Variants in CDH2 observed in about 807,000 individuals in gnomAD.
CDH2 encodes cadherin-2.
Under a neutral mutation model 92.0 loss-of-function variants are expected in CDH2, and 17 were observed. The observed-to-expected ratio is 0.18, with a 90% CI of 0.13 to 0.28. The LOEUF is 0.28. CDH2 is among the 10% of genes least tolerant of loss of function. The pLI is 1.00. For missense variants in CDH2, 862 were observed against 1,133.1 expected (o/e 0.76, Z 3.44); for synonymous variants, 419 against 415.9 (o/e 1.01, Z -0.09).
intron 2 of CDH2, chr18:28,146,504 T>C (rs2016036891): frequency 6.6e-6 from 1 of 152,084 alleles, no homozygotes; most frequent in South Asian, 2.1e-4. Flanking sequence ...CCCATTAAAA[T>C]ACCATGTAAT....
At chr18:28,050,825 A>G (rs1227208874) in intron 2 of CDH2, among the ~76,000 whole-genome samples, 4 of 152,200 alleles carry the variant, frequency 2.6e-5, no homozygotes, top group African/African-American at 9.7e-5. Context: ...TACAGCCTAG[A>G]AAATTCCTAA....
chr18:28,041,628 T>C (rs1027185332), intron 2 of CDH2, among the ~76,000 whole-genome samples: 1 of 152,208 alleles, frequency 6.6e-6, no homozygotes, highest in Non-Finnish European at 1.5e-5. Flanking sequence ...ATTAGCCTAG[T>C]GATTCCTTCC....
intron 2 of CDH2, among the ~76,000 whole-genome samples, chr18:28,106,461 C>A (rs1166961407): frequency 8.6e-6 from 1 of 116,292 alleles, no homozygotes. Context: ...TTATGGACAT[C>A]AACTTACCAG....
chr18:27,963,884 C>T (rs1205675197), intron 14 of CDH2, among the ~76,000 whole-genome samples: 2 of 151,898 alleles, frequency 1.3e-5, no homozygotes, highest in Admixed American at 6.5e-5. Context: ...TTTTTTAAAA[C>T]GAGGGTGGTT....
chr18:28,114,625 C>T (rs1484546948), intron 2 of CDH2, among the ~76,000 whole-genome samples: 1 of 152,048 alleles, frequency 6.6e-6, no homozygotes, highest in Non-Finnish European at 1.5e-5. Context: ...TGCCATGGAG[C>T]AGTCAAAGGT....
intron 2 of CDH2, among the ~76,000 whole-genome samples, chr18:28,041,751 C>T (rs2013952294): frequency 6.6e-6 from 1 of 152,084 alleles, no homozygotes; most frequent in Non-Finnish European, 1.5e-5. Context: ...TTATGTTCTA[C>T]CTAAGTGCTG....
intron 1 of CDH2, among the ~76,000 whole-genome samples, chr18:28,164,206 C>A (rs973849720): frequency 6.6e-6 from 1 of 152,032 alleles, no homozygotes; most frequent in Non-Finnish European, 1.5e-5. Flanking sequence ...CATATCAAAC[C>A]TAGATACACA....
downstream of CDH2, among the ~76,000 whole-genome samples, chr18:27,948,198 GT>G (rs1411394381): frequency 6.9e-6 from 1 of 145,672 alleles, no homozygotes; most frequent in East Asian, 2.0e-4. Context: ...TTATATTGAA[GT>G]TTTTAACAAG....
At chr18:27,992,600 T>A in intron 9 of CDH2, 55 bp downstream of exon 9, 1 of 1,430,634 alleles carries the variant, frequency 7.0e-7, no homozygotes. Flanking sequence ...GGGGGACATA[T>A]ATTGGTCCTT....
At chr18:27,938,762 T>C (rs942194390) in intron 6 of CDH2, among the ~76,000 whole-genome samples, 6 of 152,204 alleles carry the variant, frequency 3.9e-5, no homozygotes, top group Non-Finnish European at 8.8e-5. Context: ...CACAGTGTTA[T>C]AGCATCGCTT....
intron 10 of CDH2, 130 bp from the exon 11 acceptor site, chr18:27,988,796 T>C (rs866906841): frequency 1.3e-5 from 9 of 673,142 alleles, no homozygotes; most frequent in Non-Finnish European, 2.0e-5. Flanking sequence ...CATACAGCTT[T>C]AACAGGAAAA....
In CDH2 at chr18:27,980,192, G is replaced by A. The variant is rs140884350; in HGVS notation, c.2349+2752C>T. On this transcript the variant is annotated intron_variant, in intron 14 of 15. Transcript: ENST00000269141. ...TTGAAGGAAACTTAAGTCACCGTGAGTCAACAGGCTGGATGAATTCACATC... is the reference window on the plus strand; with the variant it reads ...TTGAAGGAAACTTAAGTCACCGTGAATCAACAGGCTGGATGAATTCACATC... 4.5e-3 allele frequency among the ~76,000 whole-genome samples: 688 copies of A among 152,278 alleles called. 1 individual carries two copies. Among genetic ancestry groups the A allele is most frequent in the Non-Finnish European group, 6.7e-3 (456 of 68,026 alleles).
chr18:28,166,526 A>C (rs1192441601), intron 1 of CDH2, among the ~76,000 whole-genome samples: 1 of 152,126 alleles, frequency 6.6e-6, no homozygotes, highest in African/African-American at 2.4e-5. Flanking sequence ...CTTATCTGTC[A>C]AACAAAAAAA....
chr18:28,074,493 G>A lies in CDH2; in HGVS notation c.173-60584C>T, dbSNP rs113475302. Among the ~76,000 whole-genome samples the A allele has an allele frequency of 6.4e-4, 97 of 152,086 alleles. 1 individual carries two copies. The highest frequency in any genetic ancestry group is 2.2e-3 in the African/African-American group (93 of 41,494). On this transcript the variant is annotated intron_variant, in intron 2 of 15. Transcript: ENST00000269141. Reference sequence around the variant, plus strand: ...ACTCCTGACCTCAAGTGATCCACCCGCATCAGCCTCCCAAAGTGCTAGGAT... The same window carrying A: ...ACTCCTGACCTCAAGTGATCCACCCACATCAGCCTCCCAAAGTGCTAGGAT...
chr18:28,054,177 C>T (rs1261319287), intron 2 of CDH2, among the ~76,000 whole-genome samples: 1 of 152,106 alleles, frequency 6.6e-6, no homozygotes, highest in Non-Finnish European at 1.5e-5. Context: ...TACAAGGAAT[C>T]CTGGGATCAT....
intron 2 of CDH2, among the ~76,000 whole-genome samples, chr18:28,126,660 C>A (rs1398749107): frequency 6.6e-6 from 1 of 152,096 alleles, no homozygotes; most frequent in Non-Finnish European, 1.5e-5. Context: ...GGGTAAATTG[C>A]TCCAATTTTC....
At chr18:28,004,405 T>C (rs1362836274) in intron 6 of CDH2, among the ~76,000 whole-genome samples, 2 of 152,208 alleles carry the variant, frequency 1.3e-5, no homozygotes, top group Non-Finnish European at 2.9e-5. Context: ...TCATCACAAA[T>C]CTTGCCTAGA....
chr18:28,058,315 C>T (rs2014335035), intron 2 of CDH2, among the ~76,000 whole-genome samples: 1 of 152,100 alleles, frequency 6.6e-6, no homozygotes, highest in South Asian at 2.1e-4. Context: ...ATCTTTTGGA[C>T]AAGACATGAC....
intron 2 of CDH2, among the ~76,000 whole-genome samples, chr18:28,064,799 C>T (rs994958309): frequency 6.6e-6 from 1 of 152,112 alleles, no homozygotes; most frequent in Non-Finnish European, 1.5e-5. Context: ...TCGGAGATCT[C>T]TTGAGAAAAT....
Sources: gnomAD v4.1 joint callset for allele counts (sites outside exome capture counted in the v4.1 genomes callset) on GRCh38, gnomAD v4.1.1 for gene constraint, MANE v1.5 for transcripts, NCBI Gene and HGNC (gene_info 2026-07-23, HGNC 2026-07-21) for gene names.